The following DAPK1 variants were observed in gnomAD, a reference collection of about 807,000 sequenced individuals.
The protein encoded by DAPK1 is death associated protein kinase 1.
DAPK1 carries 56 observed loss-of-function variants against 144.9 expected under a neutral mutation model. That is an observed-to-expected ratio of 0.39 (90% CI 0.31 to 0.48). The LOEUF (loss-of-function observed/expected upper bound fraction) is 0.48. Ranked by LOEUF, DAPK1 falls within the 20% of genes least tolerant of loss-of-function variation. DAPK1 has a pLI of 0.95. For missense variants in DAPK1, 1,454 were observed against 1,875.4 expected (o/e 0.78, Z 4.15); for synonymous variants, 690 against 749.0 (o/e 0.92, Z 1.29).
chr9:87,666,549 C>A (rs1020444917), intron 18 of DAPK1, among the ~76,000 whole-genome samples: 2 of 151,018 alleles, frequency 1.3e-5, no homozygotes, highest in Admixed American at 1.3e-4. Flanking sequence ...TCTTGGCTCA[C>A]TGCAACCTCT....
At chr9:87,694,938 G>C (rs1825203622) in intron 21 of DAPK1, among the ~76,000 whole-genome samples, 1 of 152,248 alleles carries the variant, frequency 6.6e-6, no homozygotes, top group South Asian at 2.1e-4. Flanking sequence ...TCTCCAGGCA[G>C]CTCCCTCAGC....
At chr9:87,515,919 C>G (rs1024832473) in intron 2 of DAPK1, among the ~76,000 whole-genome samples, 1 of 152,114 alleles carries the variant, frequency 6.6e-6, no homozygotes, top group Non-Finnish European at 1.5e-5. Context: ...TACCAGCCTC[C>G]CCCCATTTCC....
intron 2 of DAPK1, among the ~76,000 whole-genome samples, chr9:87,518,043 C>T (rs969859322): frequency 3.3e-5 from 5 of 151,394 alleles, no homozygotes; most frequent in South Asian, 4.2e-4. Flanking sequence ...ACGCATCTGT[C>T]GCTGAACCTG....
In DAPK1 at chr9:87,706,203, C is replaced by A. The variant is rs752538418; in HGVS notation, c.3132C>A (p.Val1044=). Residue 1044 remains valine, a synonymous_variant, in exon 26 of 26, where the codon GTC becomes GTA. Coordinates refer to ENST00000408954, the MANE Select transcript of DAPK1 (RefSeq NM_004938.4). This position sits in a 1 kb window ranked among gnomAD's most constrained non-coding sequence, Gnocchi z 9.0. ...ACCCCCGCTGGCTCTGCACAAACGT[C>A]CTGGGGAAGTTGCTGTCCGTGGAGA... ...LLDPRWLCTN[V]LGKLLSVETP... 1 of 1,613,042 alleles carries A rather than the reference C, an allele frequency of 6.2e-7. No homozygotes were observed. Among genetic ancestry groups the A allele is most frequent in the Non-Finnish European group, 8.5e-7 (1 of 1,179,000 alleles).
intron 18 of DAPK1, among the ~76,000 whole-genome samples, chr9:87,664,268 G>T (rs1411981106): frequency 6.6e-6 from 1 of 152,068 alleles, no homozygotes; most frequent in Non-Finnish European, 1.5e-5. Context: ...TCATGGAGTT[G>T]TCACCTGCTG....
At chr9:87,575,754 AAC>A (rs1367749335) in intron 2 of DAPK1, among the ~76,000 whole-genome samples, 8 of 152,212 alleles carry the variant, frequency 5.3e-5, no homozygotes, top group African/African-American at 1.9e-4. Context: ...CCTAACAGCA[AAC>A]ACAAAGTATT....
chr9:87,608,423 C>T (rs1248488108), intron 3 of DAPK1, among the ~76,000 whole-genome samples: 1 of 152,188 alleles, frequency 6.6e-6, no homozygotes, highest in Non-Finnish European at 1.5e-5. Context: ...AGGAGTAAAA[C>T]TGCTACAAAC....
chr9:87,531,123 T>C (rs952414815), intron 2 of DAPK1, among the ~76,000 whole-genome samples: 1 of 152,284 alleles, frequency 6.6e-6, no homozygotes, highest in Non-Finnish European at 1.5e-5. Flanking sequence ...GTCAAAAATA[T>C]TATTTAAGGA....
intron 18 of DAPK1, among the ~76,000 whole-genome samples, chr9:87,664,894 C>T (rs1830996209): frequency 6.6e-6 from 1 of 152,246 alleles, no homozygotes; most frequent in Non-Finnish European, 1.5e-5. Context: ...CCGTCTCCCT[C>T]CACATCAGCC....
chr9:87,632,059 T>C (rs975938108), intron 3 of DAPK1: 2 of 776,750 alleles, frequency 2.6e-6, no homozygotes, highest in African/African-American at 3.6e-5. Flanking sequence ...TGAGTATATA[T>C]GTAAGGATGA....
Position 87,528,152 on chromosome 9 carries a change from C to T in DAPK1, c.62+29013C>T, listed in dbSNP as rs75886870. 4.5e-3 allele frequency among the ~76,000 whole-genome samples: 690 copies of T among 152,200 alleles called. 9 individuals carry two copies. The highest frequency in any genetic ancestry group is 0.028 in the Middle Eastern group (8 of 290). Reference sequence around the variant, plus strand: ...TCAGACTTGAGAGAACTTGAGCGTGCGTAAGCACCTTGATGTCTTATCCAT... The same window carrying T: ...TCAGACTTGAGAGAACTTGAGCGTGTGTAAGCACCTTGATGTCTTATCCAT... On this transcript the variant is annotated intron_variant, in intron 2 of 25. Coordinates refer to ENST00000408954, the MANE Select transcript of DAPK1 (RefSeq NM_004938.4).
intron 2 of DAPK1, among the ~76,000 whole-genome samples, chr9:87,545,313 A>G (rs1052701772): frequency 2.6e-5 from 4 of 152,206 alleles, no homozygotes; most frequent in African/African-American, 9.7e-5. Context: ...AACTGTTGTT[A>G]ATCTCAGCTC....
intron 19 of DAPK1, among the ~76,000 whole-genome samples, chr9:87,680,572 A>C (rs908070720): frequency 2.4e-4 from 36 of 152,194 alleles, no homozygotes; most frequent in African/African-American, 5.8e-4. Context: ...ACCTACAGTT[A>C]TGAAGTGGAC....
At position 87,626,366 on chromosome 9, in the gene DAPK1, G is replaced by C. The variant is rs182635212; in HGVS notation, c.285-11577G>C. 2.8e-4 allele frequency among the ~76,000 whole-genome samples: 42 copies of C among 152,280 alleles called. No individual in the cohort carries two copies. In the East Asian group the frequency reaches 6.8e-3, roughly 24 times the overall value. On this transcript the variant is annotated intron_variant, in intron 3 of 25. Coordinates refer to ENST00000408954, the MANE Select transcript of DAPK1 (RefSeq NM_004938.4). ...GAAGGTGGAGGTTGCAGTGAGCTGA[G>C]ATCATACCACTGCACTCCAGCATGG...
intron 5 of DAPK1, 27 bp downstream of exon 5, chr9:87,639,510 T>C: frequency 6.2e-7 from 1 of 1,610,842 alleles, no homozygotes; most frequent in Non-Finnish European, 8.5e-7. Flanking sequence ...CTGTGGTCAT[T>C]TACGTCTCAT....
At chr9:87,656,710 A>G (rs578112370) in intron 17 of DAPK1, among the ~76,000 whole-genome samples, 1 of 152,232 alleles carries the variant, frequency 6.6e-6, no homozygotes, top group Non-Finnish European at 1.5e-5. Context: ...CGATTCAGGC[A>G]TTCACGAGAA....
chr9:87,593,966 T>G (rs1249869715), intron 2 of DAPK1, among the ~76,000 whole-genome samples: 1 of 152,178 alleles, frequency 6.6e-6, no homozygotes, highest in Non-Finnish European at 1.5e-5. Context: ...AACTGGGGTC[T>G]TGGGGCAGGA....
chr9:87,601,104 G>A (rs764726612), intron 2 of DAPK1, among the ~76,000 whole-genome samples: 14 of 152,332 alleles, frequency 9.2e-5, no homozygotes, highest in South Asian at 4.1e-4. Flanking sequence ...GGTGGAAAGC[G>A]GGTCCAGGCC....
chr9:87,605,161 C>T lies in DAPK1; in HGVS notation c.270C>T (p.Ile90=), dbSNP rs376105560. Residue 90 remains isoleucine, a synonymous_variant, in exon 3 of 26, where the codon ATC becomes ATT. Coordinates refer to ENST00000408954, the MANE Select transcript of DAPK1 (RefSeq NM_004938.4). The part of the protein sequence containing the change: ...HEVYENKTDV[I]LILELVAGGE... The stretch of plus-strand genomic sequence containing the variant: ...TCTATGAGAACAAGACGGACGTCAT[C>T]CTGATCTTGGAACTGTGAGTGCCGC... 4.0e-5 allele frequency: 65 copies of T among 1,613,500 alleles called. No homozygotes were observed. Among genetic ancestry groups the T allele is most frequent in the Non-Finnish European group, 5.2e-5 (61 of 1,179,552 alleles).
Sources: gnomAD v4.1 joint callset for allele counts (sites outside exome capture counted in the v4.1 genomes callset) on GRCh38, gnomAD v4.1.1 for gene constraint, Gnocchi (gnomAD v3.1) non-coding constraint, MANE v1.5 for transcripts, NCBI Gene and HGNC (gene_info 2026-07-23, HGNC 2026-07-21) for gene names.